NAV1: variants seen among roughly 807,000 people sequenced by gnomAD.
NAV1 encodes pore membrane and/or filament interacting like protein 3.
A neutral mutation model predicts 175.2 loss-of-function variants in NAV1; 18 were observed. That is an observed-to-expected ratio of 0.10 (90% CI 0.07 to 0.15). The LOEUF (loss-of-function observed/expected upper bound fraction) is 0.15. Among genes scored for constraint, NAV1 ranks in the 10% least tolerant of loss-of-function variants. The pLI is 1.00. For missense variants in NAV1, 1,731 were observed against 2,436.6 expected (o/e 0.71, Z 6.10); for synonymous variants, 897 against 978.7 (o/e 0.92, Z 1.56).
intron 2 of NAV1, among the ~76,000 whole-genome samples, chr1:201,600,450 T>C (rs1326414800): frequency 1.3e-5 from 2 of 152,168 alleles, no homozygotes; most frequent in Non-Finnish European, 2.9e-5. Context: ...AAAAGAACAT[T>C]AGTGGAAGAA....
intron 2 of NAV1, among the ~76,000 whole-genome samples, chr1:201,636,243 G>T (rs1265684919): frequency 2.6e-5 from 4 of 152,206 alleles, no homozygotes; most frequent in Non-Finnish European, 5.9e-5. Flanking sequence ...CAAGGCTGAA[G>T]TCTCCCTCCA....
chr1:201,682,115 C>CAAAA (rs34550001), intron 1 of NAV1, among the ~76,000 whole-genome samples: 3 of 83,450 alleles, frequency 3.6e-5, no homozygotes, highest in Admixed American at 1.4e-4. Flanking sequence ...GACTCCATCT[C>CAAAA]AAAAAAAAAA....
rs1456290389 is a variant in NAV1, at chr1:201,641,086, A to G, written c.5-7548A>G. Among the ~76,000 whole-genome samples, 3 of 152,174 alleles carry G rather than the reference A, an allele frequency of 2.0e-5. No homozygotes were observed. In the South Asian group the frequency reaches 6.2e-4, roughly 32 times the overall value. ...GGGGAGAAGAGAGGACTCTAATTCT[A>G]CCTCCAAAACCAGCTCCTCCTGAAG... On this transcript the variant is annotated intron_variant, in intron 2 of 29. Coordinates refer to the NAV1 transcript ENST00000367302.
chr1:201,634,147 C>T (rs1367987544), intron 2 of NAV1, among the ~76,000 whole-genome samples: 3 of 152,190 alleles, frequency 2.0e-5, no homozygotes, highest in Non-Finnish European at 4.4e-5. Context: ...CTGTCTGTGC[C>T]CCTGTGTCCT....
intron 28 of NAV1, among the ~76,000 whole-genome samples, chr1:201,815,235 T>A (rs1678953570): frequency 6.6e-6 from 1 of 151,886 alleles, no homozygotes; most frequent in Non-Finnish European, 1.5e-5. Flanking sequence ...ATTATTCAGT[T>A]GTAAAAAAGG....
At chr1:201,657,037 G>T (rs1669432656) in intron 1 of NAV1, among the ~76,000 whole-genome samples, 1 of 152,160 alleles carries the variant, frequency 6.6e-6, no homozygotes, top group African/African-American at 2.4e-5. Flanking sequence ...ATGGGGTCTA[G>T]GATTCCAACA....
chr1:201,782,961 A>G lies in NAV1; in HGVS notation c.2357+92A>G. 8.9e-6 allele frequency: 10 copies of G among 1,124,610 alleles called. No homozygotes were observed. The highest frequency in any genetic ancestry group is 1.1e-5 in the Non-Finnish European group (9 of 794,702). The allele number at this position is 1,124,610 out of a possible 1,614,324, so 69.7% of individuals were successfully genotyped here. On this transcript the variant is annotated intron_variant, in intron 6 of 29. Coordinates refer to ENST00000367296, the Ensembl canonical transcript of NAV1. The surrounding 1 kb of genome is among the most constrained non-coding windows in gnomAD (Gnocchi z 5.4). Reference sequence around the variant, plus strand: ...CCTTGGACTAGATGAGGCATGGCCTATCCACCGTTGTCTCTAGGCCTTTGC... The same window carrying G: ...CCTTGGACTAGATGAGGCATGGCCTGTCCACCGTTGTCTCTAGGCCTTTGC...
In NAV1 at chr1:201,642,525, TTTTCTTTC is replaced by T. The variant is rs762452787; in HGVS notation, c.5-6085_5-6078del. Among the ~76,000 whole-genome samples the T allele has an allele frequency of 2.1e-3, 214 of 100,404 alleles. 4 individuals carry two copies. In the East Asian group the frequency reaches 0.021, roughly 10 times the overall value. 65.9% of individuals were successfully genotyped at this position (100,404 alleles called of 152,430 possible). ...CCGCACCCGGCCTCTTTCTTTCTTT[TTTTCTTTC>T]TTTCTTTCTTTCTTTCTTTCTTTTT... On this transcript the variant is annotated intron_variant, in intron 2 of 29. Coordinates refer to the NAV1 transcript ENST00000367302.
In NAV1 at chr1:201,810,828, C is replaced by T; in HGVS notation, c.4797+70C>T. 9.5e-6 allele frequency: 11 copies of T among 1,152,712 alleles called. No individual in the cohort carries two copies. The highest frequency in any genetic ancestry group is 1.4e-5 in the Non-Finnish European group (11 of 790,950). The allele number at this position is 1,152,712 out of a possible 1,614,324, so 71.4% of individuals were successfully genotyped here. A position where few individuals can be genotyped will look rare whatever the true frequency, so the allele number is the denominator to read the frequency against. On this transcript the variant is annotated intron_variant, in intron 24 of 29. Coordinates refer to ENST00000367296, the Ensembl canonical transcript of NAV1. The surrounding 1 kb of genome is among the most constrained non-coding windows in gnomAD (Gnocchi z 6.0). ...GCCTTCCCTAAGACCCTTCCTCGGCCCCTTCCTGCCTCATTGTTCCCTTTT... is the reference window on the plus strand; with the variant it reads ...GCCTTCCCTAAGACCCTTCCTCGGCTCCTTCCTGCCTCATTGTTCCCTTTT...
At chr1:201,731,724 C>T (rs1036598372) in intron 3 of NAV1, among the ~76,000 whole-genome samples, 1 of 151,932 alleles carries the variant, frequency 6.6e-6, no homozygotes, top group Non-Finnish European at 1.5e-5. Flanking sequence ...AAGGGCAGTT[C>T]AGGAATGACA....
chr1:201,781,389 T>A, intron 5 of NAV1, 80 bp downstream of exon 9: 1 of 1,350,908 alleles, frequency 7.4e-7, no homozygotes, highest in South Asian at 1.5e-5. Context: ...CATTAACCCA[T>A]AGGATGATAG....
chr1:201,571,236 T>C (rs1263108287), intron 1 of NAV1, among the ~76,000 whole-genome samples: 1 of 152,174 alleles, frequency 6.6e-6, no homozygotes, highest in East Asian at 1.9e-4. Flanking sequence ...CTGAGTCTCA[T>C]TTTCATCAGA....
At chr1:201,809,498 C>T in exon 22 of NAV1, 16 of 1,614,066 alleles carry the variant, frequency 9.9e-6, no homozygotes, top group Non-Finnish European at 1.3e-5. Flanking sequence ...GAAAAGTTGA[C>T]TGGAAGATGC....
intron 1 of NAV1, among the ~76,000 whole-genome samples, chr1:201,585,538 T>C (rs559849552): frequency 3.3e-5 from 5 of 151,884 alleles, no homozygotes; most frequent in African/African-American, 1.2e-4. Flanking sequence ...ACCCACAGAT[T>C]AGGAAAAAAA....
At chr1:201,602,821 C>A (rs750049511) in intron 2 of NAV1, among the ~76,000 whole-genome samples, 6 of 152,030 alleles carry the variant, frequency 3.9e-5, no homozygotes, top group Non-Finnish European at 7.4e-5. Context: ...CACACTCCTG[C>A]TGACTTTCAC....
chr1:201,609,830 C>T (rs544998363), intron 2 of NAV1, among the ~76,000 whole-genome samples: 18 of 152,034 alleles, frequency 1.2e-4, no homozygotes, highest in African/African-American at 4.1e-4. Context: ...TAACTCTGGC[C>T]TGGAGGAAAG....
intron 1 of NAV1, among the ~76,000 whole-genome samples, chr1:201,575,261 G>T (rs1287392561): frequency 1.3e-5 from 2 of 152,106 alleles, no homozygotes; most frequent in African/African-American, 4.8e-5. Context: ...TCTTCTTCAG[G>T]GTTCCTGGTG....
intron 3 of NAV1, among the ~76,000 whole-genome samples, chr1:201,734,499 G>GAAGAAGA (rs1673016206): frequency 1.8e-3 from 212 of 120,382 alleles, no homozygotes; most frequent in Non-Finnish European, 2.8e-3. Flanking sequence ...GAAGGAGAAG[G>GAAGAAGA]AGAAGAAGAA....
intron 1 of NAV1, among the ~76,000 whole-genome samples, chr1:201,575,703 A>G (rs11589790): frequency 0.11 from 16,531 of 152,206 alleles, 1,032 homozygotes; most frequent in Admixed American, 0.14. Context: ...TGGTGACGTA[A>G]CAACATCTGA....
Sources: allele counts gnomAD v4.1 joint callset (sites outside exome capture counted in the v4.1 genomes callset), GRCh38; gene constraint gnomAD v4.1.1; non-coding constraint Gnocchi (gnomAD v3.1); transcripts MANE v1.5; gene names NCBI Gene and HGNC (gene_info 2026-07-23, HGNC 2026-07-21).